Variants in NCAM1 observed in about 807,000 individuals in gnomAD.
NCAM1 encodes neural cell adhesion molecule 1.
NCAM1 carries 14 observed loss-of-function variants against 109.8 expected under a neutral mutation model. The ratio of observed to expected loss-of-function variants is 0.13; its 90% CI spans 0.08 to 0.20. NCAM1 has a LOEUF of 0.20. Ranked by LOEUF, NCAM1 falls within the 10% of genes least tolerant of loss-of-function variation. NCAM1 has a pLI of 1.00. For missense variants in NCAM1, 774 were observed against 1,109.9 expected (o/e 0.70, Z 4.30); for synonymous variants, 418 against 442.9 (o/e 0.94, Z 0.70).
At chr11:113,270,456 C>A in intron 18 of NCAM1, 61 bp downstream of exon 18, 1 of 1,500,350 alleles carries the variant, frequency 6.7e-7, no homozygotes, top group Non-Finnish European at 9.2e-7. Context: ...AGGGACCCAG[C>A]AGCTGCACCA....
intron 1 of NCAM1, among the ~76,000 whole-genome samples, chr11:112,985,187 C>T (rs890723869): frequency 1.1e-4 from 17 of 151,010 alleles, no homozygotes; most frequent in African/African-American, 3.9e-4. Flanking sequence ...CCACATAATG[C>T]ATGTAATGCC....
intron 1 of NCAM1, among the ~76,000 whole-genome samples, chr11:113,095,197 TTAAC>T (rs1273282976): frequency 6.6e-6 from 1 of 152,176 alleles, no homozygotes; most frequent in Non-Finnish European, 1.5e-5. Context: ...TAAATTAACA[TTAAC>T]TAAGTACTCA....
At chr11:113,242,805 C>G in intron 14 of NCAM1, 1 of 1,613,652 alleles carries the variant, frequency 6.2e-7, no homozygotes. Context: ...GTTTCCATAG[C>G]AACTTGGCCT....
intron 1 of NCAM1, among the ~76,000 whole-genome samples, chr11:113,107,521 C>T (rs561525682): frequency 6.6e-6 from 1 of 152,070 alleles, no homozygotes; most frequent in Non-Finnish European, 1.5e-5. Flanking sequence ...TTAACGGAGT[C>T]ACAGTTCTAA....
intron 1 of NCAM1, among the ~76,000 whole-genome samples, chr11:113,049,775 G>T (rs1555081489): frequency 1.3e-5 from 2 of 152,210 alleles, no homozygotes; most frequent in Non-Finnish European, 2.9e-5. Flanking sequence ...ACTCCCCTGA[G>T]CTAGAACAGT....
intron 1 of NCAM1, among the ~76,000 whole-genome samples, chr11:113,113,860 T>C (rs1940561225): frequency 6.6e-6 from 1 of 152,206 alleles, no homozygotes; most frequent in Non-Finnish European, 1.5e-5. Flanking sequence ...CAACCTTGTG[T>C]TTGACACGAT....
chr11:112,993,150 A>T (rs1555070839), intron 1 of NCAM1, among the ~76,000 whole-genome samples: 1 of 152,214 alleles, frequency 6.6e-6, no homozygotes. Flanking sequence ...GTAATGTATA[A>T]GGAAAAGAGG....
chr11:112,992,064 A>G (rs1202990178), intron 1 of NCAM1, among the ~76,000 whole-genome samples: 1 of 152,214 alleles, frequency 6.6e-6, no homozygotes, highest in Non-Finnish European at 1.5e-5. Flanking sequence ...AGAGGAAGCC[A>G]TGGAGAAAAC....
intron 1 of NCAM1, among the ~76,000 whole-genome samples, chr11:113,126,735 C>T (rs1320155358): frequency 1.3e-5 from 2 of 152,222 alleles, no homozygotes; most frequent in East Asian, 1.9e-4. Flanking sequence ...TAGGAATCCA[C>T]TCAAGTCCCC....
intron 1 of NCAM1, among the ~76,000 whole-genome samples, chr11:113,155,770 TTCTTC>T (rs1450669674): frequency 6.6e-6 from 1 of 152,128 alleles, no homozygotes; most frequent in African/African-American, 2.4e-5. Flanking sequence ...GACCAACTCC[TTCTTC>T]ATGCCCTCTG....
intron 1 of NCAM1, among the ~76,000 whole-genome samples, chr11:113,035,009 A>G (rs1952826790): frequency 6.6e-6 from 1 of 152,234 alleles, no homozygotes; most frequent in Admixed American, 6.5e-5. Flanking sequence ...GAAGAAGGCA[A>G]TATAATAATA....
intron 17 of NCAM1, among the ~76,000 whole-genome samples, chr11:113,261,142 C>T (rs1945982604): frequency 6.6e-6 from 1 of 152,068 alleles, no homozygotes; most frequent in African/African-American, 2.4e-5. Flanking sequence ...TTGGGGGGCC[C>T]CATAGACCCT....
intron 1 of NCAM1, chr11:112,977,487 A>G (rs1951037393): frequency 6.6e-6 from 1 of 151,850 alleles, no homozygotes; most frequent in African/African-American, 2.4e-5. Context: ...AGTTTATGCC[A>G]GAAAATCATT....
In NCAM1 at chr11:112,968,556, C is replaced by T. The variant is rs187493258; in HGVS notation, c.52+6892C>T. 2.8e-4 allele frequency among the ~76,000 whole-genome samples: 43 copies of T among 152,276 alleles called. 1 individual carries two copies. Among genetic ancestry groups the T allele is most frequent in the Admixed American group, 2.7e-3 (41 of 15,296 alleles). Reference sequence around the variant, plus strand: ...TTATTTAGTAAATATTGACTGAGTACGTGCTCTGTGCTGGGTGCTGGGAAT... The same window carrying T: ...TTATTTAGTAAATATTGACTGAGTATGTGCTCTGTGCTGGGTGCTGGGAAT... On this transcript the variant is annotated intron_variant, in intron 1 of 19. Coordinates refer to ENST00000316851, the MANE Select transcript of NCAM1 (RefSeq NM_181351.5).
chr11:112,979,375 T>C (rs1555068289), intron 1 of NCAM1, among the ~76,000 whole-genome samples: 3 of 151,820 alleles, frequency 2.0e-5, no homozygotes, highest in African/African-American at 7.2e-5. Flanking sequence ...TTATGACAAA[T>C]TTAGTTATAA....
rs931136765 is a variant in NCAM1 at position 112,966,716 on chromosome 11, G to C, written c.52+5052G>C. Among the ~76,000 whole-genome samples, 21 of 152,242 alleles carry C rather than the reference G, an allele frequency of 1.4e-4. 1 individual carries two copies. The highest frequency in any genetic ancestry group is 2.9e-4 in the Non-Finnish European group (20 of 68,044). On this transcript the variant is annotated intron_variant, in intron 1 of 19. Transcript: ENST00000316851. Reference sequence around the variant, plus strand: ...GTTGAAATACTGTCTCTCAGCTGCAGATGCTCATTAGGAGCATTGCTTTTT... The same window carrying C: ...GTTGAAATACTGTCTCTCAGCTGCACATGCTCATTAGGAGCATTGCTTTTT...
intron 9 of NCAM1, 114 bp downstream of exon 9, chr11:113,221,439 A>G (rs1027044176): frequency 1.8e-6 from 2 of 1,104,542 alleles, no homozygotes; most frequent in African/African-American, 3.1e-5. Flanking sequence ...TAGCTAAAGA[A>G]TAGGTCGATA....
At chr11:113,096,480 A>G (rs1011773522) in intron 1 of NCAM1, among the ~76,000 whole-genome samples, 2 of 152,136 alleles carry the variant, frequency 1.3e-5, no homozygotes, top group African/African-American at 4.8e-5. Flanking sequence ...GTTCAGGTTA[A>G]TGCGGACAGT....
chr11:113,071,091 G>A (rs1398033774), intron 1 of NCAM1, among the ~76,000 whole-genome samples: 2 of 152,082 alleles, frequency 1.3e-5, no homozygotes, highest in Admixed American at 6.5e-5. Flanking sequence ...CAAGCCCTAC[G>A]GTGAAAAGTA....
Sources: gnomAD v4.1 joint callset for allele counts (sites outside exome capture counted in the v4.1 genomes callset) on GRCh38, gnomAD v4.1.1 for gene constraint, MANE v1.5 for transcripts, NCBI Gene and HGNC (gene_info 2026-07-23, HGNC 2026-07-21) for gene names.